PKD1L1: variants seen among roughly 807,000 people sequenced by gnomAD.
PKD1L1 encodes polycystin-1-like protein 1.
In PKD1L1, 236 loss-of-function variants were observed where a neutral mutation model predicts 323.4. That is an observed-to-expected ratio of 0.73 (90% CI 0.66 to 0.81). The LOEUF is 0.81. Ranked by LOEUF, PKD1L1 falls within the 40% of genes least tolerant of loss-of-function variation. The probability of loss-of-function intolerance (pLI) is 0.00; values close to 1 mark genes in which losing one functional copy is unlikely to be tolerated. For missense variants in PKD1L1, 3,320 were observed against 3,508.0 expected (o/e 0.95, Z 1.35); for synonymous variants, 1,344 against 1,335.0 (o/e 1.01, Z -0.15).
At chr7:47,925,712 C>T (rs1290353812) in intron 7 of PKD1L1, among the ~76,000 whole-genome samples, 1 of 152,120 alleles carries the variant, frequency 6.6e-6, no homozygotes, top group African/African-American at 2.4e-5. Flanking sequence ...ACAAAACAGA[C>T]TTTTTGTAGC....
intron 17 of PKD1L1, among the ~76,000 whole-genome samples, chr7:47,886,318 G>C (rs73692897): frequency 0.047 from 7,156 of 152,136 alleles, 400 homozygotes; most frequent in African/African-American, 0.14. Context: ...TCCAAGTCGG[G>C]GGGGAGGGAT....
intron 2 of PKD1L1, among the ~76,000 whole-genome samples, chr7:47,940,661 A>G (rs2128758304): frequency 6.6e-6 from 1 of 152,312 alleles, no homozygotes; most frequent in African/African-American, 2.4e-5. Flanking sequence ...TGTGTAGTAG[A>G]GGGGGCAACA....
At chr7:47,852,283 A>G (rs1026872130) in intron 31 of PKD1L1, among the ~76,000 whole-genome samples, 1 of 152,214 alleles carries the variant, frequency 6.6e-6, no homozygotes, top group African/African-American at 2.4e-5. Context: ...CTAATTTTCT[A>G]TCAGCTTGAA....
chr7:47,960,043 T>C, the PKD1L1 span, among the ~76,000 whole-genome samples: 2 of 152,280 alleles, frequency 1.3e-5, no homozygotes, highest in East Asian at 1.9e-4. Context: ...TATTCTGCCT[T>C]GTGATCCTGT....
chr7:47,922,267 T>A (rs946002488), intron 7 of PKD1L1, among the ~76,000 whole-genome samples: 45 of 152,194 alleles, frequency 3.0e-4, no homozygotes, highest in Admixed American at 2.0e-3. Flanking sequence ...CGCTACAACC[T>A]CCACCTCCGA....
chr7:47,846,784 A>G, intron 32 of PKD1L1, 95 bp downstream of exon 32: 2 of 1,134,748 alleles, frequency 1.8e-6, no homozygotes, highest in Non-Finnish European at 1.2e-6. Flanking sequence ...TCTTATGGAC[A>G]AGGTTCAGGA....
intron 1 of PKD1L1, among the ~76,000 whole-genome samples, chr7:47,945,961 G>A (rs961116390): frequency 5.3e-5 from 8 of 152,200 alleles, no homozygotes; most frequent in Non-Finnish European, 7.3e-5. Flanking sequence ...TCACAGAGGC[G>A]CCAAGGATAG....
chr7:47,910,628 GC>G (rs1450860784), intron 8 of PKD1L1, among the ~76,000 whole-genome samples: 1 of 149,700 alleles, frequency 6.7e-6, no homozygotes, highest in African/African-American at 2.5e-5. Flanking sequence ...GTGAGCCAAC[GC>G]GCCCGGCCAG....
In PKD1L1 at chr7:47,858,713, C is replaced by T. The variant is rs149891886; in HGVS notation, c.4322G>A (p.Arg1441Gln). 107 of 1,614,000 alleles carry T rather than the reference C, an allele frequency of 6.6e-5. No homozygotes were observed. The African/African-American group carries it at 7.6e-4, about 11-fold the overall frequency. ...GATGACTGTAATTCCTTCTTCATGT[C>T]GATAGACTTCCTCCTTCGAGTTTTC... ...EQENSKEEVY[R>Q]HEEGITVISD... Residue 1441 changes from arginine (R) to glutamine (Q), a missense_variant, in exon 27 of 57, where the codon CGA becomes CAA. Coordinates refer to ENST00000289672, the MANE Select transcript of PKD1L1 (RefSeq NM_138295.5).
intron 56 of PKD1L1, among the ~76,000 whole-genome samples, chr7:47,776,743 T>G (rs1786577108): frequency 6.6e-6 from 1 of 152,202 alleles, no homozygotes; most frequent in Non-Finnish European, 1.5e-5. Context: ...GAACTGTATT[T>G]ATGACCACGC....
intron 31 of PKD1L1, among the ~76,000 whole-genome samples, chr7:47,850,500 T>C (rs1289759459): frequency 6.6e-6 from 1 of 151,692 alleles, no homozygotes; most frequent in African/African-American, 2.4e-5. Context: ...GGTCTGGTGG[T>C]GCATGCCTGT....
intron 2 of PKD1L1, among the ~76,000 whole-genome samples, 164 bp from the exon 3 acceptor site, chr7:47,940,481 G>C (rs1426479416): frequency 6.6e-6 from 1 of 152,240 alleles, no homozygotes; most frequent in Non-Finnish European, 1.5e-5. Flanking sequence ...GTGTCCTGCT[G>C]TGTGTGTTTT....
intron 26 of PKD1L1, 132 bp from the exon 27 acceptor site, chr7:47,859,017 T>A (rs1462595355): frequency 1.8e-6 from 2 of 1,130,200 alleles, no homozygotes; most frequent in Non-Finnish European, 2.5e-6. Flanking sequence ...AAGTGCCTCA[T>A]GGCATATGAT....
intron 17 of PKD1L1, among the ~76,000 whole-genome samples, chr7:47,886,412 C>T (rs900164155): frequency 1.3e-5 from 2 of 152,088 alleles, no homozygotes; most frequent in African/African-American, 4.8e-5. Flanking sequence ...TTCTCTTAAT[C>T]CTCACTCCCC....
intron 15 of PKD1L1, among the ~76,000 whole-genome samples, chr7:47,893,131 G>A (rs754126990): frequency 3.3e-5 from 5 of 150,372 alleles, no homozygotes; most frequent in Non-Finnish European, 7.4e-5. Context: ...TCAGGAGGCT[G>A]AGGCAGAAGA....
chr7:47,905,425 A>G, intron 10 of PKD1L1, 100 bp from the exon 11 acceptor site: 2 of 1,297,908 alleles, frequency 1.5e-6, no homozygotes, highest in Non-Finnish European at 2.1e-6. Context: ...CATGGGCTTG[A>G]GTGATGGTGA....
chr7:47,809,573 AC>A lies in PKD1L1; in HGVS notation c.7585del (p.Val2529SerfsTer7). 1 of 1,584,624 alleles carries A rather than the reference AC, an allele frequency of 6.3e-7. No homozygotes were observed. The highest frequency in any genetic ancestry group is 8.6e-7 in the Non-Finnish European group (1 of 1,167,622). On this transcript the variant is annotated frameshift_variant, in exon 51 of 57. Coordinates refer to ENST00000289672, the MANE Select transcript of PKD1L1 (RefSeq NM_138295.5). LOFTEE classifies it high-confidence loss of function. ...GTGGATCAGGCTGAGTGCCAGGAAG[AC>A]CAGCTGGTGGAGAGAATGTAAACAA... is the stretch of plus-strand genomic sequence containing the variant. ...LQYHLMLPQL[V>X]FLALSLIHLC... is the part of the protein sequence containing the mutation.
At chr7:47,849,653 A>G (rs1202100571) in intron 31 of PKD1L1, among the ~76,000 whole-genome samples, 1 of 152,050 alleles carries the variant, frequency 6.6e-6, no homozygotes, top group Middle Eastern at 3.2e-3. Flanking sequence ...TACTCCTGCA[A>G]AAATGGCCAT....
At chr7:47,883,015 G>A (rs951732448) in intron 19 of PKD1L1, among the ~76,000 whole-genome samples, 1 of 152,162 alleles carries the variant, frequency 6.6e-6, no homozygotes, top group Non-Finnish European at 1.5e-5. Flanking sequence ...GCAAGATATA[G>A]TAATAAAACA....
Sources: allele counts gnomAD v4.1 joint callset (sites outside exome capture counted in the v4.1 genomes callset), GRCh38; gene constraint gnomAD v4.1.1; transcripts MANE v1.5; gene names NCBI Gene and HGNC (gene_info 2026-07-23, HGNC 2026-07-21).